The following RPAP2 variants were observed in gnomAD, a reference collection of about 807,000 sequenced individuals.
The protein encoded by RPAP2 is putative RNA polymerase II subunit B1 CTD phosphatase RPAP2.
RPAP2 carries 52 observed loss-of-function variants against 73.1 expected under a neutral mutation model. The observed-to-expected ratio is 0.71, with a 90% CI of 0.57 to 0.90. The LOEUF (loss-of-function observed/expected upper bound fraction) is 0.90. Ranked by LOEUF, RPAP2 falls within the 40% of genes least tolerant of loss-of-function variation. The pLI is 0.00. For synonymous variants in RPAP2, 225 were observed against 242.1 expected, an observed-to-expected ratio of 0.93 and a Z score of 0.65; for missense variants, 598 against 701.8, an observed-to-expected ratio of 0.85 and a Z score of 1.67.
intron 11 of RPAP2, among the ~76,000 whole-genome samples, chr1:92,371,198 G>A (rs1050354134): frequency 2.0e-5 from 3 of 151,884 alleles, no homozygotes; most frequent in African/African-American, 7.3e-5. Flanking sequence ...CCAGCTACTC[G>A]GGAGGCTGAG....
chr1:92,324,022 A>C lies in RPAP2; in HGVS notation c.1102A>C (p.Lys368Gln). Residue 368 changes from lysine to glutamine, a missense_variant, in exon 8 of 13, where the codon AAA becomes CAA. Physicochemically the swap from Lys to Gln is moderately conservative, Grantham distance 53 (BLOSUM62 1). Transcript: ENST00000610020. The part of the protein sequence containing the change: ...CPEVGKRNLL[K>Q]VLKETLIEWK... ...TGAAGTTGGAAAGAGAAACTTACTT[A>C]AAGTTTTGAAGGAGACTTTGATTGA... 1.9e-6 allele frequency: 3 copies of C among 1,613,930 alleles called. No homozygotes were observed. The highest frequency in any genetic ancestry group is 2.5e-6 in the Non-Finnish European group (3 of 1,179,880).
intron 3 of RPAP2, among the ~76,000 whole-genome samples, chr1:92,302,184 T>C (rs1187093017): frequency 6.6e-6 from 1 of 151,960 alleles, no homozygotes; most frequent in East Asian, 1.9e-4. Flanking sequence ...GGCTGAGGCA[T>C]GAGAATCACT....
chr1:92,372,586 A>G (rs950633137), intron 11 of RPAP2, among the ~76,000 whole-genome samples: 2 of 151,924 alleles, frequency 1.3e-5, no homozygotes, highest in Non-Finnish European at 2.9e-5. Flanking sequence ...GGGGAGGGGG[A>G]ATGAAGAAAA....
chr1:92,340,597 A>G (rs1268782379), intron 10 of RPAP2, among the ~76,000 whole-genome samples: 1 of 152,152 alleles, frequency 6.6e-6, no homozygotes, highest in East Asian at 1.9e-4. Context: ...CACCCTAGAG[A>G]TTGAGTTTCA....
chr1:92,335,133 G>A (rs1269575713), intron 9 of RPAP2, among the ~76,000 whole-genome samples: 1 of 152,230 alleles, frequency 6.6e-6, no homozygotes, highest in South Asian at 2.1e-4. Flanking sequence ...CATAGTGGGT[G>A]TACTAATTTA....
intron 6 of RPAP2, among the ~76,000 whole-genome samples, chr1:92,320,163 T>C (rs182446855): frequency 2.6e-5 from 4 of 152,268 alleles, no homozygotes; most frequent in Admixed American, 2.6e-4. Context: ...GAAAACTTTA[T>C]TGGGCTGGTG....
At position 92,401,696 on chromosome 1, in the gene RPAP2, TC is replaced by T. The variant is rs1417849999; in HGVS notation, c.*14688del. The T allele has an allele frequency of 6.6e-6, 1 of 152,226 alleles. No homozygotes were observed. The highest frequency in any genetic ancestry group is 1.5e-5 in the Non-Finnish European group (1 of 68,040). The allele number at this position is 152,226 out of a possible 1,614,324, so 9.4% of individuals were successfully genotyped here. A position where few individuals can be genotyped will look rare whatever the true frequency, so the allele number is the denominator to read the frequency against. ...AGACCCTTTCTCAGCTTGAAGATGT[TC>T]CCTGGTATTCATAGTTTGCTAAAAG... On this transcript the variant is annotated 3_prime_UTR_variant, in exon 13 of 13. Coordinates refer to ENST00000610020, the MANE Select transcript of RPAP2 (RefSeq NM_024813.3).
intron 6 of RPAP2, among the ~76,000 whole-genome samples, chr1:92,317,735 G>A (rs145903779): frequency 1.3e-5 from 2 of 152,196 alleles, no homozygotes; most frequent in East Asian, 3.9e-4. Context: ...CATATGGTAG[G>A]TGATGCCTAC....
chr1:92,304,311 A>C lies in RPAP2; in HGVS notation c.361A>C (p.Thr121Pro), dbSNP rs537731738. The C allele has an allele frequency of 1.3e-6, 2 of 1,511,374 alleles. No individual in the cohort carries two copies. The highest frequency in any genetic ancestry group is 2.4e-5 in the South Asian group (2 of 84,956). The allele number at this position is 1,511,374 out of a possible 1,614,324, so 93.6% of individuals were successfully genotyped here. A position where few individuals can be genotyped will look rare whatever the true frequency, so the allele number is the denominator to read the frequency against. The change falls in exon 5 of 13, where the codon ACC (threonine) becomes CCC (proline). Residue 121 changes from threonine to proline, a missense_variant. This residue lies in a region of RPAP2 where 506 missense variants were observed against 612.8 expected (regional missense o/e 0.83). Coordinates refer to ENST00000610020, the MANE Select transcript of RPAP2 (RefSeq NM_024813.3). Reference sequence around the variant, plus strand: ...ACCAAAACAGAAATATAAAATTTCTACCAAAACCAATAAAGTCTATGATAT... The same window carrying C: ...ACCAAAACAGAAATATAAAATTTCTCCCAAAACCAATAAAGTCTATGATAT... ...IVPKQKYKIS[T>P]KTNKVYDITE... is the part of the protein sequence containing the mutation.
At chr1:92,345,400 A>AGAG (rs1460743819) in intron 10 of RPAP2, among the ~76,000 whole-genome samples, 4 of 138,276 alleles carry the variant, frequency 2.9e-5, no homozygotes, top group African/African-American at 1.1e-4. Context: ...AAAAAAAAAA[A>AGAG]AGAGAGAGAG....
chr1:92,340,819 G>A (rs560897759), intron 10 of RPAP2, among the ~76,000 whole-genome samples: 39 of 152,162 alleles, frequency 2.6e-4, no homozygotes, highest in Middle Eastern at 3.4e-3. Flanking sequence ...TTTACCTGTC[G>A]TAGTGTAAAG....
intron 12 of RPAP2, among the ~76,000 whole-genome samples, chr1:92,385,768 G>A: frequency 6.6e-6 from 1 of 152,212 alleles, no homozygotes; most frequent in Admixed American, 6.5e-5. Context: ...CAAAAAAGAT[G>A]TTTGTGGTTT....
At chr1:92,344,697 C>T (rs1279645637) in intron 10 of RPAP2, among the ~76,000 whole-genome samples, 1 of 152,112 alleles carries the variant, frequency 6.6e-6, no homozygotes, top group Non-Finnish European at 1.5e-5. Context: ...TTCAATTGCT[C>T]ACATCAACAG....
At chr1:92,372,157 A>G (rs546831155) in intron 11 of RPAP2, among the ~76,000 whole-genome samples, 1 of 152,192 alleles carries the variant, frequency 6.6e-6, no homozygotes, top group Non-Finnish European at 1.5e-5. Flanking sequence ...CTTTATGTAG[A>G]TACCCTAAAT....
rs1280413813 is a variant in RPAP2, at chr1:92,354,915, A to ATTG, written c.1688+9003_1688+9004insGTT. ...AATTATTATTATTATTATTATTATT[A>ATTG]TTATTGAGACAGGTTCTCTGTCACC... is the stretch of plus-strand genomic sequence containing the variant. On this transcript the variant is annotated intron_variant, in intron 11 of 12. Coordinates refer to ENST00000610020, the MANE Select transcript of RPAP2 (RefSeq NM_024813.3). Among the ~76,000 whole-genome samples the ATTG allele has an allele frequency of 2.0e-5, 3 of 149,832 alleles. No individual in the cohort carries two copies. In the East Asian group the frequency reaches 5.8e-4, roughly 29 times the overall value.
intron 11 of RPAP2, among the ~76,000 whole-genome samples, chr1:92,366,740 G>A (rs2101405381): frequency 6.6e-6 from 1 of 152,258 alleles, no homozygotes; most frequent in Middle Eastern, 3.4e-3. Context: ...AATTCCTTTT[G>A]AAAGTATATA....
In RPAP2 at chr1:92,333,415, G is replaced by C. The variant is rs1174654004; in HGVS notation, c.1480G>C (p.Asp494His). The C allele has an allele frequency of 6.2e-7, 1 of 1,613,588 alleles. No homozygotes were observed. The highest frequency in any genetic ancestry group is 2.2e-5 in the East Asian group (1 of 44,812). ...EEHDSTFPLIDSSSQNQIRKR... is the reference protein window; with the variant it reads ...EEHDSTFPLIHSSSQNQIRKR... ...GCATGATTCCACCTTTCCACTGATA[G>C]ACTCAAGTTCCCAGAACCAGATTAG... Residue 494 changes from aspartate (D) to histidine (H), a missense_variant, in exon 9 of 13, where the codon GAC becomes CAC. Transcript: ENST00000610020.
At chr1:92,364,297 A>C (rs1654844838) in intron 11 of RPAP2, among the ~76,000 whole-genome samples, 1 of 152,084 alleles carries the variant, frequency 6.6e-6, no homozygotes, top group African/African-American at 2.4e-5. Context: ...AGGTTTTGCT[A>C]GGTAGAAAAG....
At chr1:92,351,632 C>T (rs1454887752) in intron 11 of RPAP2, among the ~76,000 whole-genome samples, 1 of 152,112 alleles carries the variant, frequency 6.6e-6, no homozygotes, top group African/African-American at 2.4e-5. Context: ...ATATTTGAGC[C>T]TGTAACACAA....
Sources: gnomAD v4.1 joint callset for allele counts (sites outside exome capture counted in the v4.1 genomes callset) on GRCh38, gnomAD v4.1.1 for gene constraint, gnomAD v4.1.1 regional missense constraint, MANE v1.5 for transcripts, NCBI Gene and HGNC (gene_info 2026-07-23, HGNC 2026-07-21) for gene names.